Variants in RYR1 observed in about 807,000 individuals in gnomAD.
The protein encoded by RYR1 is ryanodine receptor 1.
A neutral mutation model predicts 583.5 loss-of-function variants in RYR1; 342 were observed. The ratio of observed to expected loss-of-function variants is 0.59; its 90% CI spans 0.54 to 0.64. RYR1 has a LOEUF of 0.64. Ranked by LOEUF, RYR1 falls within the 30% of genes least tolerant of loss-of-function variation. The probability of loss-of-function intolerance (pLI) is 0.00; values close to 1 mark genes in which losing one functional copy is unlikely to be tolerated. For synonymous variants in RYR1, 2,791 were observed against 2,822.5 expected, an observed-to-expected ratio of 0.99 and a Z score of 0.35; for missense variants, 6,032 against 6,917.2, an observed-to-expected ratio of 0.87 and a Z score of 4.54.
rs576990255 is a variant in RYR1, at chr19:38,464,687, G to A, written c.2835G>A (p.Ala945=). 2.1e-5 allele frequency: 33 copies of A among 1,593,208 alleles called. No individual in the cohort carries two copies. The highest frequency in any genetic ancestry group is 6.8e-5 in the East Asian group (3 of 44,110). Residue 945 remains alanine (A), a synonymous_variant, in exon 23 of 106, where the codon GCG becomes GCA. Transcript: ENST00000359596. ...ACGTGGGCATGGCGGATGAGAAGGC[G>A]GAGGACAACCTGAAGAAGACAAAAC... ...GCHVGMADEK[A]EDNLKKTKLP... is the part of the protein sequence containing the mutation.
intron 3 of RYR1, among the ~76,000 whole-genome samples, chr19:38,442,811 C>A (rs1196723344): frequency 6.6e-6 from 1 of 152,130 alleles, no homozygotes; most frequent in Non-Finnish European, 1.5e-5. Flanking sequence ...GAGCCCCTGT[C>A]CCCGACGCCT....
intron 101 of RYR1, among the ~76,000 whole-genome samples, chr19:38,583,353 C>T (rs915213208): frequency 6.6e-6 from 1 of 151,286 alleles, no homozygotes; most frequent in Non-Finnish European, 1.5e-5. Flanking sequence ...GTGACACGCA[C>T]CTGTATTCCC....
rs1967911147 is a variant in RYR1, at chr19:38,463,624, C to T, written c.2682+97C>T. On this transcript the variant is annotated intron_variant, in intron 21 of 105. Coordinates refer to ENST00000359596, the MANE Select transcript of RYR1 (RefSeq NM_000540.3). Reference sequence around the variant, plus strand: ...CGGAGAGGAGGGAGGGACCACAGGGCACCAGGGGGTCCTTGGACTGAGGGT... The same window carrying T: ...CGGAGAGGAGGGAGGGACCACAGGGTACCAGGGGGTCCTTGGACTGAGGGT... 3 of 1,449,020 alleles carry T rather than the reference C, an allele frequency of 2.1e-6. No homozygotes were observed. The South Asian group carries it at 3.4e-5, about 17-fold the overall frequency. The allele number at this position is 1,449,020 out of a possible 1,614,324, so 89.8% of individuals were successfully genotyped here.
Position 38,572,282 on chromosome 19 carries a change from G to A in RYR1, c.13998+12G>A. 6.5e-7 allele frequency: 1 copy of A among 1,529,640 alleles called. No homozygotes were observed. Among genetic ancestry groups the A allele is most frequent in the Non-Finnish European group, 8.9e-7 (1 of 1,129,114 alleles). The allele number at this position is 1,529,640 out of a possible 1,614,324, so 94.8% of individuals were successfully genotyped here. On this transcript the variant is annotated intron_variant, in intron 95 of 105. Coordinates refer to ENST00000359596, the MANE Select transcript of RYR1 (RefSeq NM_000540.3). ...ATAATTGTCTCAAGGTGGGCCCATG[G>A]CCATGGTTCTGGGGCAAGGGCTTAT...
intron 72 of RYR1, 35 bp downstream of exon 72, chr19:38,527,087 G>A: frequency 6.2e-7 from 1 of 1,609,136 alleles, no homozygotes; most frequent in Non-Finnish European, 8.5e-7. Context: ...AAAGAAGCAA[G>A]TCAGAAAGTA....
At chr19:38,586,975 A>T (rs1974520186) in intron 105 of RYR1, among the ~76,000 whole-genome samples, 1 of 151,762 alleles carries the variant, frequency 6.6e-6, no homozygotes, top group Non-Finnish European at 1.5e-5. Context: ...CATCTCAAAA[A>T]AAATGGGTTT....
Position 38,505,842 on chromosome 19 carries a change from C to G in RYR1, c.8437C>G (p.Leu2813Val). The G allele has an allele frequency of 6.2e-7, 1 of 1,614,122 alleles. No individual in the cohort carries two copies. Among genetic ancestry groups the G allele is most frequent in the South Asian group, 1.1e-5 (1 of 91,078 alleles). ...EIYRWPIKES[L>V]KAMIAWEWTI... ...TTACCGCTGGCCCATCAAGGAGTCC[C>G]TGAAGGCCATGATTGCCTGGGAATG... Residue 2813 changes from leucine (L) to valine (V), a missense_variant, in exon 54 of 106, where the codon CTG becomes GTG. By Grantham distance (32) the Leu-to-Val change is conservative (BLOSUM62 1). Coordinates refer to ENST00000359596, the MANE Select transcript of RYR1 (RefSeq NM_000540.3).
intron 74 of RYR1, 26 bp downstream of exon 74, chr19:38,528,444 C>T: frequency 1.2e-6 from 2 of 1,609,340 alleles, no homozygotes; most frequent in South Asian, 1.1e-5. Context: ...ACAAGGGAAG[C>T]GTGAAGGGCT....
chr19:38,578,481 C>A (rs2145890080), intron 99 of RYR1, among the ~76,000 whole-genome samples: 1 of 152,286 alleles, frequency 6.6e-6, no homozygotes, highest in East Asian at 1.9e-4. Context: ...TCACTGGAGC[C>A]CAGAGTTTGA....
chr19:38,528,315 C>A lies in RYR1; in HGVS notation c.10834C>A (p.Pro3612Thr). ...VLYYLDQTEH[P>T]YKSKKAVWHK... ...GCTATCCCCTCCCCAGACCGAGCAC[C>A]CTTACAAGTCTAAGAAGGCCGTGTG... is the stretch of plus-strand genomic sequence containing the variant. The change falls in exon 74 of 106, where the codon CCT becomes ACT. Residue 3612 changes from proline (P) to threonine (T), a missense_variant. Around this residue, in one of 11 missense-constraint regions of RYR1, gnomAD observed 1,493 missense variants for 1,715.5 expected, o/e 0.87. Transcript: ENST00000359596. 1.9e-6 allele frequency: 3 copies of A among 1,614,078 alleles called. No individual in the cohort carries two copies. Among genetic ancestry groups the A allele is most frequent in the Non-Finnish European group, 2.5e-6 (3 of 1,180,004 alleles).
At chr19:38,487,502 C>T (rs902712266) in intron 34 of RYR1, among the ~76,000 whole-genome samples, 5 of 151,944 alleles carry the variant, frequency 3.3e-5, no homozygotes, top group South Asian at 2.1e-4. Context: ...TACAGGTGCC[C>T]GCCACCATGC....
chr19:38,497,682 A>G (rs1333964950), intron 42 of RYR1, among the ~76,000 whole-genome samples: 4 of 152,288 alleles, frequency 2.6e-5, no homozygotes, highest in Non-Finnish European at 4.4e-5. Flanking sequence ...ACAGTCAAAA[A>G]TCCCTGTCTG....
At chr19:38,521,112 A>G (rs1445853919) in intron 67 of RYR1, among the ~76,000 whole-genome samples, 1 of 151,610 alleles carries the variant, frequency 6.6e-6, no homozygotes, top group Non-Finnish European at 1.5e-5. Context: ...CTGTCTCTAC[A>G]AAAAAAGAAA....
At chr19:38,546,561 A>G (rs1181460212) in intron 88 of RYR1, 35 bp downstream of exon 88, 2 of 1,579,286 alleles carry the variant, frequency 1.3e-6, no homozygotes, top group Non-Finnish European at 1.7e-6. Context: ...GGGAACAGTA[A>G]AGAGGTTCAG....
At position 38,457,548 on chromosome 19, in the gene RYR1, T is replaced by C. The variant is rs765564676; in HGVS notation, c.1843T>C (p.Ser615Pro). The C allele has an allele frequency of 6.2e-7, 1 of 1,614,092 alleles. No homozygotes were observed. Among genetic ancestry groups the C allele is most frequent in the East Asian group, 2.2e-5 (1 of 44,878 alleles). Residue 615 changes from serine to proline, a missense_variant, in exon 17 of 106, where the codon TCC (serine) becomes CCC (proline). Ser to Pro is a moderately conservative substitution (Grantham distance 74, BLOSUM62 -1). Around this residue, in one of 11 missense-constraint regions of RYR1, gnomAD observed 2,627 missense variants for 2,961.3 expected, o/e 0.89. Coordinates refer to ENST00000359596, the MANE Select transcript of RYR1 (RefSeq NM_000540.3). ...LCVCNGVAVR[S>P]NQDLITENLL... Reference sequence around the variant, plus strand: ...TGTGTGTAATGGTGTGGCTGTACGCTCCAACCAAGATCTTATTACTGAGAA... The same window carrying C: ...TGTGTGTAATGGTGTGGCTGTACGCCCCAACCAAGATCTTATTACTGAGAA...
chr19:38,437,677 G>C (rs78474007), intron 1 of RYR1, among the ~76,000 whole-genome samples: 10 of 152,136 alleles, frequency 6.6e-5, no homozygotes, highest in Non-Finnish European at 1.2e-4. Context: ...TTAGCTGGGC[G>C]TGGCAGTGTG....
intron 84 of RYR1, among the ~76,000 whole-genome samples, chr19:38,538,213 C>A (rs1972057729): frequency 1.3e-5 from 2 of 152,238 alleles, no homozygotes; most frequent in African/African-American, 4.8e-5. Context: ...GCCTGGCCAA[C>A]ATGGTGAAAC....
chr19:38,565,458 C>T lies in RYR1; in HGVS notation c.13124C>T (p.Thr4375Met), dbSNP rs1237993819. Reference sequence around the variant, plus strand: ...CTGGTGGAGGGCGCCAAGAAGGTGACGGTGACCGAGCTCCTGGCAGGCATG... The same window carrying T: ...CTGGTGGAGGGCGCCAAGAAGGTGATGGTGACCGAGCTCCTGGCAGGCATG... ...GGLVEGAKKV[T>M]VTELLAGMPD... Residue 4375 changes from threonine to methionine, a missense_variant, in exon 91 of 106, where the codon ACG becomes ATG. Thr to Met is a moderately conservative substitution (Grantham distance 81). This residue lies in a region of RYR1 where 753 missense variants were observed against 759.6 expected (regional missense o/e 0.99). Coordinates refer to ENST00000359596, the MANE Select transcript of RYR1 (RefSeq NM_000540.3). The surrounding 1 kb of genome is among the most constrained non-coding windows in gnomAD (Gnocchi z 4.7). 1.1e-5 allele frequency: 16 copies of T among 1,501,260 alleles called. No homozygotes were observed. Among genetic ancestry groups the T allele is most frequent in the South Asian group, 5.0e-5 (4 of 80,608 alleles). The allele number at this position is 1,501,260 out of a possible 1,614,324, so 93.0% of individuals were successfully genotyped here.
Position 38,577,933 on chromosome 19 carries a change from G to A in RYR1, c.14188G>A (p.Gly4730Arg). 6.2e-7 allele frequency: 1 copy of A among 1,614,124 alleles called. No individual in the cohort carries two copies. The highest frequency in any genetic ancestry group is 8.5e-7 in the Non-Finnish European group (1 of 1,180,026). ...FVKRKVLDKH[G>R]DIYGRERIAE... is the part of the protein sequence containing the mutation. ...TCTTGTGCAGGTCCTGGACAAACAT[G>A]GGGACATCTACGGGCGGGAGCGGAT... is the stretch of plus-strand genomic sequence containing the variant. Residue 4730 changes from glycine to arginine, a missense_variant, in exon 98 of 106, where the codon GGG becomes AGG. This residue lies in a region of RYR1 where 188 missense variants were observed against 215.6 expected (regional missense o/e 0.87). Transcript: ENST00000359596.
Sources: gnomAD v4.1 joint callset for allele counts (sites outside exome capture counted in the v4.1 genomes callset) on GRCh38, gnomAD v4.1.1 for gene constraint, gnomAD v4.1.1 regional missense constraint, Gnocchi (gnomAD v3.1) non-coding constraint, MANE v1.5 for transcripts, NCBI Gene and HGNC (gene_info 2026-07-23, HGNC 2026-07-21) for gene names.